The following HBS1L variants were observed in gnomAD, a reference collection of about 807,000 sequenced individuals.
HBS1L encodes HBS1-like protein.
In HBS1L, 55 loss-of-function variants were observed where a neutral mutation model predicts 88.9. That is an observed-to-expected ratio of 0.62 (90% CI 0.50 to 0.77). The LOEUF (loss-of-function observed/expected upper bound fraction) is 0.77, where lower values mean the gene tolerates loss of function less well. HBS1L is among the 30% of genes least tolerant of loss of function. The pLI is 0.00. For synonymous variants in HBS1L, 267 were observed against 288.5 expected (o/e 0.93, Z 0.76); for missense variants, 741 against 829.3 (o/e 0.89, Z 1.31).
intron 2 of HBS1L, among the ~76,000 whole-genome samples, chr6:135,043,099 G>A (rs1430049626): frequency 6.6e-6 from 1 of 152,206 alleles, no homozygotes; most frequent in Non-Finnish European, 1.5e-5. Context: ...TTATCTAAAT[G>A]CCAATACATG....
chr6:135,004,258 G>T (rs1398113815), intron 4 of HBS1L, among the ~76,000 whole-genome samples: 1 of 90,072 alleles, frequency 1.1e-5, no homozygotes, highest in East Asian at 3.4e-4. Flanking sequence ...CATACTAAAT[G>T]ATAAAAAAAA....
chr6:135,053,791 T>C (rs1030714081), intron 1 of HBS1L, among the ~76,000 whole-genome samples: 2 of 152,262 alleles, frequency 1.3e-5, no homozygotes, highest in African/African-American at 2.4e-5. Flanking sequence ...TTTTTGTTTA[T>C]ATTTTTAGTT....
intron 4 of HBS1L, among the ~76,000 whole-genome samples, chr6:135,014,966 C>A (rs574756792): frequency 6.6e-6 from 1 of 151,602 alleles, no homozygotes; most frequent in South Asian, 2.1e-4. Context: ...GCCCGGGAGG[C>A]GGAGGTTGCA....
At chr6:135,025,571 T>A (rs769448922) in intron 4 of HBS1L, among the ~76,000 whole-genome samples, 1 of 152,000 alleles carries the variant, frequency 6.6e-6, no homozygotes, top group Non-Finnish European at 1.5e-5. Context: ...AGTTCGAGAG[T>A]ACAAGGTGGT....
At chr6:134,987,237 A>T (rs11754021) in intron 9 of HBS1L, among the ~76,000 whole-genome samples, 1 of 151,884 alleles carries the variant, frequency 6.6e-6, no homozygotes, top group Non-Finnish European at 1.5e-5. Context: ...TAAAAAGCAG[A>T]TGATAAAACA....
chr6:134,976,099 A>T (rs1246966427), intron 15 of HBS1L, among the ~76,000 whole-genome samples: 2 of 152,178 alleles, frequency 1.3e-5, no homozygotes, highest in African/African-American at 4.8e-5. Context: ...GGCAAGTGAC[A>T]TGAGCAGACA....
intron 5 of HBS1L, among the ~76,000 whole-genome samples, chr6:135,001,044 A>G (rs1775440680): frequency 1.3e-5 from 2 of 152,150 alleles, no homozygotes; most frequent in African/African-American, 4.8e-5. Context: ...GACCTTTCAC[A>G]TTCTAATGAC....
intron 4 of HBS1L, among the ~76,000 whole-genome samples, chr6:135,034,560 C>T (rs1344618431): frequency 2.0e-5 from 3 of 152,228 alleles, no homozygotes; most frequent in Non-Finnish European, 4.4e-5. Context: ...AGGAGAATCG[C>T]TTGAACCCGA....
At chr6:135,014,096 G>A (rs1775848877) in intron 4 of HBS1L, among the ~76,000 whole-genome samples, 1 of 152,178 alleles carries the variant, frequency 6.6e-6, no homozygotes. Context: ...TGAATGAACA[G>A]AGGAGATGAG....
intron 3 of HBS1L, among the ~76,000 whole-genome samples, chr6:135,041,018 G>A (rs1206024787): frequency 6.6e-6 from 1 of 151,990 alleles, no homozygotes; most frequent in African/African-American, 2.4e-5. Context: ...TACTAAGTTA[G>A]CAATAATCAA....
At chr6:135,052,600 GA>G (rs1777122999) in intron 1 of HBS1L, among the ~76,000 whole-genome samples, 3 of 140,734 alleles carry the variant, frequency 2.1e-5, no homozygotes, top group African/African-American at 5.3e-5. Flanking sequence ...AAAAAAAAAA[GA>G]AAAAAAACTC....
At chr6:135,033,883 A>G (rs1391176162) in intron 4 of HBS1L, among the ~76,000 whole-genome samples, 4 of 152,218 alleles carry the variant, frequency 2.6e-5, no homozygotes, top group African/African-American at 9.6e-5. Flanking sequence ...TTATAATTCA[A>G]TTAATTCACT....
Position 135,039,456 on chromosome 6 carries a change from G to T in HBS1L, c.430+117C>A, listed in dbSNP as rs978512347. ...GATAATCAAAAGTTAACAATAACAT[G>T]CAAGATTTTAATAGCTCAAGCAAAT... On this transcript the variant is annotated intron_variant, in intron 4 of 17. Transcript: ENST00000367837. 4 of 817,928 alleles carry T rather than the reference G, an allele frequency of 4.9e-6. No individual in the cohort carries two copies. In the Admixed American group the frequency reaches 1.1e-4, roughly 22 times the overall value. 50.7% of individuals were successfully genotyped at this position (817,928 alleles called of 1,614,324 possible). A position where few individuals can be genotyped will look rare whatever the true frequency, so the allele number is the denominator to read the frequency against.
At chr6:135,052,047 A>G (rs1347265573) in intron 1 of HBS1L, among the ~76,000 whole-genome samples, 1 of 152,246 alleles carries the variant, frequency 6.6e-6, no homozygotes, top group Non-Finnish European at 1.5e-5. Flanking sequence ...AGCTAGGGAA[A>G]GATCCCCATT....
chr6:134,988,939 G>GA (rs1165802619), intron 8 of HBS1L, among the ~76,000 whole-genome samples: 3 of 151,678 alleles, frequency 2.0e-5, no homozygotes, highest in Non-Finnish European at 2.9e-5. Context: ...TACAGCTATT[G>GA]AAAAAAAAGC....
intron 2 of HBS1L, 93 bp from the exon 3 acceptor site, chr6:135,042,219 T>C: frequency 1.7e-6 from 2 of 1,150,394 alleles, no homozygotes; most frequent in Non-Finnish European, 2.4e-6. Context: ...AAAATTCTAA[T>C]CAATCACCTA....
At chr6:135,012,177 A>T in intron 4 of HBS1L, among the ~76,000 whole-genome samples, 1 of 152,196 alleles carries the variant, frequency 6.6e-6, no homozygotes, top group East Asian at 1.9e-4. Context: ...ACATAAGGGA[A>T]TGGTTATGAT....
Position 134,963,399 on chromosome 6 carries a change from C to G in HBS1L, c.*1880G>C, listed in dbSNP as rs1774229733. 1 of 152,140 alleles carries G rather than the reference C, an allele frequency of 6.6e-6. No homozygotes were observed. The highest frequency in any genetic ancestry group is 2.4e-5 in the African/African-American group (1 of 41,398). The allele number at this position is 152,140 out of a possible 1,614,324, so 9.4% of individuals were successfully genotyped here. A position where few individuals can be genotyped will look rare whatever the true frequency, so the allele number is the denominator to read the frequency against. ...GGAATTATCACATCTTGTCAAGAAC[C>G]TGGCATTACAGAAGAGGTTTTTTAT... is the stretch of plus-strand genomic sequence containing the variant. On this transcript the variant is annotated 3_prime_UTR_variant, in exon 18 of 18. Transcript: ENST00000367837.
At chr6:134,977,175 T>G (rs1174401717) in intron 15 of HBS1L, among the ~76,000 whole-genome samples, 6 of 151,988 alleles carry the variant, frequency 3.9e-5, no homozygotes, top group Non-Finnish European at 5.9e-5. Flanking sequence ...TCTGAATCAA[T>G]ATATGCTGGC....
Sources: allele counts gnomAD v4.1 joint callset (sites outside exome capture counted in the v4.1 genomes callset), GRCh38; gene constraint gnomAD v4.1.1; transcripts MANE v1.5; gene names NCBI Gene and HGNC (gene_info 2026-07-23, HGNC 2026-07-21).